PTPRZ1: variants seen among roughly 807,000 people sequenced by gnomAD.
PTPRZ1 encodes protein tyrosine phosphatase receptor type Z1.
PTPRZ1 carries 82 observed loss-of-function variants against 214.1 expected under a neutral mutation model. That is an observed-to-expected ratio of 0.38 (90% CI 0.32 to 0.46). The LOEUF is 0.46. PTPRZ1 is among the 20% of genes least tolerant of loss of function. The pLI, the probability that PTPRZ1 is intolerant of heterozygous loss-of-function variation, is 1.00. For synonymous variants in PTPRZ1, 945 were observed against 987.9 expected, an observed-to-expected ratio of 0.96 and a Z score of 0.81; for missense variants, 2,603 against 2,748.7, an observed-to-expected ratio of 0.95 and a Z score of 1.19.
intron 13 of PTPRZ1, among the ~76,000 whole-genome samples, chr7:122,024,411 A>G (rs907019562): frequency 1.3e-5 from 2 of 152,034 alleles, no homozygotes; most frequent in Non-Finnish European, 2.9e-5. Context: ...AGCAATATGA[A>G]TTCTCTCTTG....
intron 2 of PTPRZ1, among the ~76,000 whole-genome samples, chr7:121,962,593 C>G (rs1229356763): frequency 6.7e-6 from 1 of 148,720 alleles, no homozygotes; most frequent in Non-Finnish European, 1.5e-5. Context: ...TTGAGACAGT[C>G]TTGCTCTGTT....
intron 6 of PTPRZ1, among the ~76,000 whole-genome samples, chr7:121,982,435 A>ATTGGGATTTTAG (rs147453964): frequency 0.11 from 16,368 of 152,194 alleles, 917 homozygotes; most frequent in East Asian, 0.16. Context: ...TGGGATTTTA[A>ATTGGGATTTTAG]TTAGGATTTC....
intron 7 of PTPRZ1, 25 bp downstream of exon 7, chr7:121,983,847 C>T: frequency 1.2e-6 from 2 of 1,604,014 alleles, no homozygotes; most frequent in Non-Finnish European, 1.7e-6. Flanking sequence ...TCAAACAAAT[C>T]AAGTAATTCA....
At chr7:121,956,770 T>C (rs1448930922) in intron 2 of PTPRZ1, among the ~76,000 whole-genome samples, 1 of 152,182 alleles carries the variant, frequency 6.6e-6, no homozygotes, top group East Asian at 1.9e-4. Context: ...CCACAAGGCT[T>C]TTGCACCAAG....
chr7:121,899,367 T>C (rs1794893823), intron 1 of PTPRZ1, among the ~76,000 whole-genome samples: 2 of 152,320 alleles, frequency 1.3e-5, no homozygotes, highest in Admixed American at 6.5e-5. Context: ...TTCTGTATCT[T>C]TCCTGCTTTG....
chr7:122,024,615 C>A (rs115265216), intron 13 of PTPRZ1, among the ~76,000 whole-genome samples: 1,869 of 151,770 alleles, frequency 0.012, 36 homozygotes, highest in African/African-American at 0.042. Flanking sequence ...TTTTTACTTA[C>A]AAGCTTTTTG....
At chr7:121,938,818 T>A (rs753108274) in intron 2 of PTPRZ1, among the ~76,000 whole-genome samples, 1 of 152,224 alleles carries the variant, frequency 6.6e-6, no homozygotes, top group Non-Finnish European at 1.5e-5. Context: ...TTACTTTTTA[T>A]TTGTCCTTAC....
At chr7:121,918,534 C>G (rs1460447593) in intron 1 of PTPRZ1, among the ~76,000 whole-genome samples, 1 of 152,136 alleles carries the variant, frequency 6.6e-6, no homozygotes, top group Non-Finnish European at 1.5e-5. Flanking sequence ...CTGCATCTAT[C>G]ATGCAGTCTC....
At chr7:121,972,471 A>G in intron 3 of PTPRZ1, 70 bp from the exon 4 acceptor site, 1 of 1,394,858 alleles carries the variant, frequency 7.2e-7, no homozygotes, top group Non-Finnish European at 9.7e-7. Context: ...CCTTAAGTAG[A>G]TGGAAATTTA....
At position 122,013,911 on chromosome 7, in the gene PTPRZ1, C is replaced by G. The variant is rs1269975679; in HGVS notation, c.4843+22C>G. ...GCAGGTTAGTTACGGATCAGAAGGA[C>G]AGATTGAGGTGTGGTGGTTTGCTTG... On this transcript the variant is annotated intron_variant, in intron 12 of 29. Transcript: ENST00000393386. The G allele has an allele frequency of 1.9e-6, 3 of 1,548,684 alleles. No individual in the cohort carries two copies. In the South Asian group the frequency reaches 3.7e-5, roughly 19 times the overall value.
chr7:122,034,035 A>T (rs1435782279), intron 15 of PTPRZ1, 60 bp from the exon 16 acceptor site: 10 of 1,470,792 alleles, frequency 6.8e-6, no homozygotes, highest in Admixed American at 3.8e-5. Flanking sequence ...TTTTTTTCTC[A>T]TTTGTCGTGT....
intron 13 of PTPRZ1, among the ~76,000 whole-genome samples, chr7:122,023,875 AC>A (rs1799126806): frequency 6.9e-6 from 1 of 145,016 alleles, no homozygotes; most frequent in Non-Finnish European, 1.5e-5. Context: ...TTGTAGCCAG[AC>A]CCAGGAATAG....
chr7:121,918,477 C>T (rs554227321), intron 1 of PTPRZ1, among the ~76,000 whole-genome samples: 2 of 152,162 alleles, frequency 1.3e-5, no homozygotes, highest in South Asian at 4.2e-4. Context: ...TACTATGTGT[C>T]AACTTGGCTA....
At chr7:121,934,211 G>A (rs149567491) in intron 2 of PTPRZ1, among the ~76,000 whole-genome samples, 87 of 152,102 alleles carry the variant, frequency 5.7e-4, no homozygotes, top group African/African-American at 1.9e-3. Context: ...TCAACTTAAC[G>A]TGAATTAATT....
intron 13 of PTPRZ1, among the ~76,000 whole-genome samples, chr7:122,024,690 T>C (rs987964234): frequency 2.6e-5 from 4 of 152,178 alleles, no homozygotes; most frequent in Non-Finnish European, 5.9e-5. Context: ...ACTTATTTTC[T>C]AGAACCAACA....
chr7:121,946,009 A>G (rs1285784334), intron 2 of PTPRZ1, among the ~76,000 whole-genome samples: 1 of 152,200 alleles, frequency 6.6e-6, no homozygotes, highest in African/African-American at 2.4e-5. Flanking sequence ...TCACTCATTA[A>G]AAGTTCTGCA....
In PTPRZ1 at chr7:122,018,648, A is replaced by AT. The variant is rs1451936482; in HGVS notation, c.4844-469dup. Among the ~76,000 whole-genome samples the AT allele has an allele frequency of 2.6e-5, 4 of 152,152 alleles. No homozygotes were observed. In the South Asian group the frequency reaches 8.3e-4, roughly 32 times the overall value. On this transcript the variant is annotated intron_variant, in intron 12 of 29. Transcript: ENST00000393386. ...CTAATATAAGAAGAGTTATCCCAAGATTTTTTTCTTCATGAAATTATTAAT... is the reference window on the plus strand; with the variant it reads ...CTAATATAAGAAGAGTTATCCCAAGATTTTTTTTCTTCATGAAATTATTAAT...
At chr7:121,964,935 A>G (rs1420343549) in intron 2 of PTPRZ1, among the ~76,000 whole-genome samples, 1 of 152,120 alleles carries the variant, frequency 6.6e-6, no homozygotes, top group East Asian at 1.9e-4. Flanking sequence ...ATGGTAGAGA[A>G]CCGGAGCAGA....
rs772097998 is a variant in PTPRZ1, at chr7:122,004,646, G to A, written c.1273G>A (p.Glu425Lys). Residue 425 changes from glutamate to lysine, a missense_variant, in exon 11 of 30, where the codon GAA (glutamate) becomes AAA (lysine). Around this residue, in one of 6 missense-constraint regions of PTPRZ1, gnomAD observed 244 missense variants for 333.2 expected, o/e 0.73. Coordinates refer to ENST00000393386, the MANE Select transcript of PTPRZ1 (RefSeq NM_002851.3). ...LDLFPELIGT[E>K]EIIKEEEEGK... is the part of the protein sequence containing the mutation. ...TCTTTTCCCTGAATTAATTGGAACT[G>A]AAGAAATAATCAAGGTATCATAGCC... is the stretch of plus-strand genomic sequence containing the variant. 7.4e-7 allele frequency: 1 copy of A among 1,360,270 alleles called. No homozygotes were observed. 84.3% of individuals were successfully genotyped at this position (1,360,270 alleles called of 1,614,324 possible). A position where few individuals can be genotyped will look rare whatever the true frequency, so the allele number is the denominator to read the frequency against.
Sources: gnomAD v4.1 joint callset for allele counts (sites outside exome capture counted in the v4.1 genomes callset) on GRCh38, gnomAD v4.1.1 for gene constraint, gnomAD v4.1.1 regional missense constraint, MANE v1.5 for transcripts, NCBI Gene and HGNC (gene_info 2026-07-23, HGNC 2026-07-21) for gene names.